The following NCOR2 variants were observed in gnomAD, a reference collection of about 807,000 sequenced individuals.
The protein encoded by NCOR2 is CTG repeat protein 26.
A neutral mutation model predicts 262.9 loss-of-function variants in NCOR2; 81 were observed. That is an observed-to-expected ratio of 0.31 (90% CI 0.26 to 0.37). The LOEUF (loss-of-function observed/expected upper bound fraction) is 0.37, where lower values mean the gene tolerates loss of function less well. Among genes scored for constraint, NCOR2 ranks in the 10% least tolerant of loss-of-function variants. NCOR2 has a pLI of 1.00. For synonymous variants in NCOR2, 1,659 were observed against 1,559.3 expected, an observed-to-expected ratio of 1.06 and a Z score of -1.51; for missense variants, 3,385 against 3,621.4, an observed-to-expected ratio of 0.93 and a Z score of 1.68.
Position 124,341,588 on chromosome 12 carries a change from G to A in NCOR2, c.5188+235C>T, listed in dbSNP as rs74352161. ...CCCCTGTATCCTAAGAGTATACACA[G>A]ATGCACGCACACCCACTGAGGATGC... On this transcript the variant is annotated intron_variant, in intron 34 of 46. Transcript: ENST00000405201. 8.4e-3 allele frequency among the ~76,000 whole-genome samples: 1,279 copies of A among 152,252 alleles called. 11 individuals are homozygous for A. The highest frequency in any genetic ancestry group is 0.029 in the African/African-American group (1,211 of 41,548).
At chr12:124,497,928 C>T (rs1221818275), upstream of NCOR2, among the ~76,000 whole-genome samples, 1 of 152,218 alleles carries the variant, frequency 6.6e-6, no homozygotes. This position sits in a 1 kb window ranked among gnomAD's most constrained non-coding sequence, Gnocchi z 4.2. Flanking sequence ...GGAGAGAGAA[C>T]AGCTGTGGCC....
chr12:124,463,745 G>A (rs942317894), intron 5 of NCOR2, among the ~76,000 whole-genome samples: 1 of 152,222 alleles, frequency 6.6e-6, no homozygotes, highest in Admixed American at 6.5e-5. Flanking sequence ...GGCTGCTCCT[G>A]CCAAAGGCGG....
chr12:124,536,347 G>C (rs942129903), upstream of NCOR2, among the ~76,000 whole-genome samples: 1 of 152,170 alleles, frequency 6.6e-6, no homozygotes, highest in Non-Finnish European at 1.5e-5. Context: ...CAAAGTGCTA[G>C]GATTACAGGT....
At chr12:124,452,051 C>T (rs1001362552) in intron 6 of NCOR2, among the ~76,000 whole-genome samples, 4 of 152,222 alleles carry the variant, frequency 2.6e-5, no homozygotes, top group Non-Finnish European at 4.4e-5. Flanking sequence ...CATTTCTCCC[C>T]GTGCCGGGTC....
At chr12:124,474,696 G>A (rs998128135) in intron 3 of NCOR2, among the ~76,000 whole-genome samples, 4 of 152,136 alleles carry the variant, frequency 2.6e-5, no homozygotes, top group Non-Finnish European at 4.4e-5. Context: ...GCACCTCCCC[G>A]GTCCTTGTGA....
exon 20 of NCOR2, chr12:124,372,261 C>T (rs2039571442): frequency 1.3e-6 from 2 of 1,579,480 alleles, no homozygotes; most frequent in African/African-American, 1.3e-5. Flanking sequence ...CCTCGGCCTT[C>T]CCTGTGTCCA....
In NCOR2 at chr12:124,402,512, GGCTGCTGCTGCTGCTGCTGCTGCT is replaced by G. The variant is rs35831183; in HGVS notation, c.1508_1531del (p.Gln503_Gln510del). On this transcript the variant is annotated inframe_deletion, in exon 14 of 47. Coordinates refer to ENST00000405201, the Ensembl canonical transcript of NCOR2. Reference sequence around the variant, plus strand: ...CTCCTCCTGGCTGCTGCGGGGCATGGGCTGCTGCTGCTGCTGCTGCTGCTGCTGCTGCTGCTGTTGTTGCTGCTG... The same window carrying G: ...CTCCTCCTGGCTGCTGCGGGGCATGGGCTGCTGCTGCTGTTGTTGCTGCTG... The G allele has an allele frequency of 2.8e-5, 41 of 1,459,510 alleles. No homozygotes were observed. The South Asian group carries it at 3.3e-4, about 12-fold the overall frequency. 90.4% of individuals were successfully genotyped at this position (1,459,510 alleles called of 1,614,324 possible).
intron 1 of NCOR2, among the ~76,000 whole-genome samples, chr12:124,494,330 C>T (rs1169921466): frequency 1.3e-5 from 2 of 152,162 alleles, no homozygotes; most frequent in Admixed American, 6.5e-5. Context: ...CAGGAGGTCA[C>T]AAGGGGGAGG....
At chr12:124,487,806 A>G (rs1166689513) in intron 1 of NCOR2, among the ~76,000 whole-genome samples, 2 of 152,092 alleles carry the variant, frequency 1.3e-5, no homozygotes, top group African/African-American at 2.4e-5. Flanking sequence ...GTAAAACTCA[A>G]TATCAACAAA....
At chr12:124,453,903 C>T (rs2045693145) in intron 6 of NCOR2, among the ~76,000 whole-genome samples, 2 of 152,240 alleles carry the variant, frequency 1.3e-5, no homozygotes, top group African/African-American at 4.8e-5. Context: ...AATGCAAATT[C>T]CTCCAGGAAG....
rs117136387 is a variant in NCOR2 at position 124,379,452 on chromosome 12, G to A, written c.2020-1068C>T. 8.0e-3 allele frequency among the ~76,000 whole-genome samples: 1,221 copies of A among 152,344 alleles called. 7 individuals carry two copies. The highest frequency in any genetic ancestry group is 0.012 in the Non-Finnish European group (847 of 68,028). On this transcript the variant is annotated intron_variant, in intron 17 of 46. Coordinates refer to ENST00000405201, the Ensembl canonical transcript of NCOR2. Reference sequence around the variant, plus strand: ...GAGCAACTGTGAAAGGCCAGCCTTCGTGGGCTTGAACGCATAGACAGCAGA... The same window carrying A: ...GAGCAACTGTGAAAGGCCAGCCTTCATGGGCTTGAACGCATAGACAGCAGA...
In NCOR2 at chr12:124,502,575, G is replaced by A. The variant is rs1274838080; in HGVS notation, c.-117-7207C>T. On this transcript the variant is annotated intron_variant, in intron 1 of 46. Coordinates refer to the NCOR2 transcript ENST00000404621. ...GGTGCAAAGGCCCAGAGGCAGGACC[G>A]AGCCTGGTGTGTGAGGACAGCAGGG... Among the ~76,000 whole-genome samples, 18 of 152,152 alleles carry A rather than the reference G, an allele frequency of 1.2e-4. No individual in the cohort carries two copies. The East Asian group carries it at 2.9e-3, about 25-fold the overall frequency.
At chr12:124,357,902 TA>T (rs891181141) in intron 22 of NCOR2, among the ~76,000 whole-genome samples, 15 of 97,072 alleles carry the variant, frequency 1.5e-4, no homozygotes, top group African/African-American at 3.1e-4. Flanking sequence ...TAACCTGTGA[TA>T]TGTGTGTGTG....
chr12:124,372,129 G>C, exon 20 of NCOR2: 1 of 1,601,650 alleles, frequency 6.2e-7, no homozygotes, highest in Non-Finnish European at 8.5e-7. Flanking sequence ...TGGCCCTGCC[G>C]CTCCCGCCCT....
intron 4 of NCOR2, among the ~76,000 whole-genome samples, chr12:124,467,130 C>T (rs1054086162): frequency 7.7e-6 from 1 of 129,544 alleles, no homozygotes; most frequent in Admixed American, 7.7e-5. Flanking sequence ...CACCATCACC[C>T]TCATCCTCAT....
chr12:124,422,583 A>G (rs2043273836), intron 11 of NCOR2, 28 bp from the exon 14 acceptor site: 9 of 1,613,080 alleles, frequency 5.6e-6, no homozygotes, highest in Non-Finnish European at 6.8e-6. Context: ...TGGGCGTGAG[A>G]CCTGGCCGAG....
At chr12:124,351,718 G>A (rs1018884897) in intron 27 of NCOR2, among the ~76,000 whole-genome samples, 4 of 147,958 alleles carry the variant, frequency 2.7e-5, no homozygotes, top group Non-Finnish European at 5.9e-5. Context: ...CCAAGCTGCC[G>A]TGGGACCTCC....
intron 20 of NCOR2, 105 bp downstream of exon 22, chr12:124,371,917 C>A: frequency 8.2e-7 from 1 of 1,212,792 alleles, no homozygotes; most frequent in South Asian, 1.6e-5. Flanking sequence ...CTCGGGCTCC[C>A]CCAAAGCAGG....
intron 13 of NCOR2, among the ~76,000 whole-genome samples, chr12:124,406,097 C>T (rs117921810): frequency 6.6e-6 from 1 of 152,206 alleles, no homozygotes; most frequent in South Asian, 2.1e-4. Flanking sequence ...CAGTGCTTTA[C>T]CAGGGACTGG....
Sources: allele counts gnomAD v4.1 joint callset (sites outside exome capture counted in the v4.1 genomes callset), GRCh38; gene constraint gnomAD v4.1.1; non-coding constraint Gnocchi (gnomAD v3.1); transcripts MANE v1.5; gene names NCBI Gene and HGNC (gene_info 2026-07-23, HGNC 2026-07-21).